CDKL5: variants seen among roughly 807,000 people sequenced by gnomAD.
CDKL5 encodes the protein cyclin-dependent kinase-like 5.
A neutral mutation model predicts 61.7 loss-of-function variants in CDKL5; 8 were observed. The observed-to-expected ratio is 0.13, with a 90% CI of 0.08 to 0.23. The LOEUF is 0.23. Ranked by LOEUF, CDKL5 falls within the 10% of genes least tolerant of loss-of-function variation. CDKL5 has a pLI of 1.00. For synonymous variants in CDKL5, 275 were observed against 272.3 expected (o/e 1.01, Z -0.10); for missense variants, 440 against 734.5 (o/e 0.60, Z 4.63).
intron 1 of CDKL5, among the ~76,000 whole-genome samples, chrX:18,446,189 C>CAAA (rs529883672): frequency 4.1e-4 from 20 of 48,197 alleles, no homozygotes; most frequent in African/African-American, 1.5e-3. Flanking sequence ...ACTAAAAATA[C>CAAA]AAAAAAAAAA....
intron 11 of CDKL5, among the ~76,000 whole-genome samples, chrX:18,601,638 G>A (rs1051164845): frequency 4.5e-5 from 5 of 112,315 alleles, no homozygotes; most frequent in Non-Finnish European, 7.5e-5. Context: ...CACTCAGAAT[G>A]GCAGTTTAGG....
intron 1 of CDKL5, among the ~76,000 whole-genome samples, chrX:18,447,323 A>C (rs1204493098): frequency 9.0e-6 from 1 of 111,190 alleles, no homozygotes; most frequent in African/African-American, 3.3e-5. Flanking sequence ...CTTATGCCTA[A>C]GATTCTCATC....
intron 1 of CDKL5, among the ~76,000 whole-genome samples, chrX:18,443,037 C>T (rs1569183729): frequency 8.9e-6 from 1 of 111,903 alleles, no homozygotes; most frequent in East Asian, 2.8e-4. Context: ...GTTAGTTTTG[C>T]CTTATTTAAG....
chrX:18,642,819 C>G (rs1406075393), downstream of CDKL5, among the ~76,000 whole-genome samples: 2 of 109,084 alleles, frequency 1.8e-5, no homozygotes, highest in African/African-American at 3.4e-5. Flanking sequence ...GCGGGCGGAT[C>G]GTTTGAGGTC....
rs1401277625 is a variant in CDKL5, at chrX:18,608,827, C to T, written c.1961C>T (p.Pro654Leu). 4 of 1,205,180 alleles carry T rather than the reference C, an allele frequency of 3.3e-6. No homozygotes were observed. Among genetic ancestry groups the T allele is most frequent in the Non-Finnish European group, 4.5e-6 (4 of 889,750 alleles). Residue 654 changes from proline (P) to leucine (L), a missense_variant, in exon 13 of 18, where the codon CCT (proline) becomes CTT (leucine). Physicochemically the swap from Pro to Leu is moderately conservative, Grantham distance 98. Coordinates refer to ENST00000623535, the MANE Select transcript of CDKL5 (RefSeq NM_001323289.2). Reference protein sequence around the residue: ...LLSPQPGEQLPPEMTVARSSV... With the variant: ...LLSPQPGEQLLPEMTVARSSV... ...TACTTCCAGCCTGGAGAACAGCTCC[C>T]TCCAGAGATGACTGTGGCAAGATCT...
intron 1 of CDKL5, among the ~76,000 whole-genome samples, chrX:18,479,359 G>A (rs1921457151): frequency 1.3e-5 from 1 of 78,237 alleles, no homozygotes; most frequent in South Asian, 8.1e-4. Flanking sequence ...TCACACTCTC[G>A]CCCAGGCTGG....
chrX:18,496,998 T>C (rs899681553), intron 1 of CDKL5, among the ~76,000 whole-genome samples: 2 of 109,026 alleles, frequency 1.8e-5, no homozygotes, highest in Non-Finnish European at 3.8e-5. Flanking sequence ...AGGATTTTTT[T>C]TTTTTTCTTT....
At chrX:18,469,308 C>T (rs112123030) in intron 1 of CDKL5, among the ~76,000 whole-genome samples, 2,762 of 90,325 alleles carry the variant, frequency 0.031, 53 homozygotes, top group Non-Finnish European at 0.047. Context: ...CACTGCACTC[C>T]AGCCTGGGCG....
At chrX:18,596,271 G>A (rs1386153823) in intron 10 of CDKL5, among the ~76,000 whole-genome samples, 3 of 110,560 alleles carry the variant, frequency 2.7e-5, no homozygotes, top group Non-Finnish European at 1.9e-5. Flanking sequence ...GAACTTTGCC[G>A]TGCTTTAAAC....
intron 3 of CDKL5, among the ~76,000 whole-genome samples, chrX:18,541,865 A>G (rs1048786368): frequency 9.1e-6 from 1 of 110,241 alleles, no homozygotes; most frequent in Non-Finnish European, 1.9e-5. Flanking sequence ...GAGAGTTCCT[A>G]TATTTTCTTA....
rs754436143 is a variant in CDKL5 at position 18,510,786 on chromosome X, C to T, written c.65-34C>T. The T allele has an allele frequency of 2.2e-5, 25 of 1,149,920 alleles. No homozygotes were observed. In the Admixed American group the frequency reaches 3.7e-4, roughly 17 times the overall value. The allele number at this position is 1,149,920 out of a possible 1,213,427, so 94.8% of individuals were successfully genotyped here. On this transcript the variant is annotated intron_variant, in intron 2 of 17. Coordinates refer to ENST00000623535, the MANE Select transcript of CDKL5 (RefSeq NM_001323289.2). Reference sequence around the variant, plus strand: ...ATAGCAGAGCTTTGTAGTTTGTATGCGTGCCCTTGATTGTTTACTTCTTTT... The same window carrying T: ...ATAGCAGAGCTTTGTAGTTTGTATGTGTGCCCTTGATTGTTTACTTCTTTT...
intron 1 of CDKL5, among the ~76,000 whole-genome samples, chrX:18,462,801 A>T (rs1294574313): frequency 1.8e-5 from 2 of 111,521 alleles, no homozygotes; most frequent in Non-Finnish European, 3.8e-5. Flanking sequence ...AGGTGGGCGG[A>T]TCACTTGAGG....
chrX:18,510,817 T>C lies in CDKL5; in HGVS notation c.65-3T>C, dbSNP rs1366239818. 8.4e-7 allele frequency: 1 copy of C among 1,191,562 alleles called. No individual in the cohort carries two copies. The highest frequency in any genetic ancestry group is 1.1e-6 in the Non-Finnish European group (1 of 877,521). On this transcript the variant is annotated splice_polypyrimidine_tract_variant and splice_region_variant and intron_variant, in intron 2 of 17. Coordinates refer to ENST00000623535, the MANE Select transcript of CDKL5 (RefSeq NM_001323289.2). ...CTTGATTGTTTACTTCTTTTTATTA[T>C]AGGAGCCTATGGAGTTGTACTTAAA...
intron 3 of CDKL5, chrX:18,535,657 T>C (rs926764150): frequency 2.0e-5 from 3 of 148,868 alleles, no homozygotes; most frequent in African/African-American, 9.4e-5. Context: ...TTAAGTGGAC[T>C]GCTTACTCTC....
intron 6 of CDKL5, 36 bp from the exon 7 acceptor site, chrX:18,581,855 A>G: frequency 2.1e-6 from 2 of 969,237 alleles, no homozygotes; most frequent in Non-Finnish European, 3.0e-6. Flanking sequence ...AACATAGAAC[A>G]TTTTTACTAA....
intron 1 of CDKL5, among the ~76,000 whole-genome samples, chrX:18,460,911 A>G (rs1421317373): frequency 8.9e-6 from 1 of 112,083 alleles, no homozygotes; most frequent in Non-Finnish European, 1.9e-5. Context: ...CCCAAATTTG[A>G]TATTCACAGT....
At chrX:18,606,189 C>T (rs768251412) in intron 12 of CDKL5, among the ~76,000 whole-genome samples, 28 of 108,114 alleles carry the variant, frequency 2.6e-4, no homozygotes, top group African/African-American at 9.2e-4. Context: ...CACACACACA[C>T]ACACACACAC....
intron 16 of CDKL5, chrX:18,623,833 CTT>C (rs375044523): frequency 6.0e-3 from 3,373 of 562,490 alleles, no homozygotes; most frequent in Middle Eastern, 7.2e-3. Flanking sequence ...AATAAGAGCA[CTT>C]TTTTTTTTTT....
At chrX:18,435,204 C>T (rs1299863267) in intron 1 of CDKL5, among the ~76,000 whole-genome samples, 1 of 111,307 alleles carries the variant, frequency 9.0e-6, no homozygotes, top group Non-Finnish European at 1.9e-5. Context: ...AATTTATCCA[C>T]ACCCTCAGAC....
Sources: gnomAD v4.1 joint callset for allele counts (sites outside exome capture counted in the v4.1 genomes callset) on GRCh38, gnomAD v4.1.1 for gene constraint, MANE v1.5 for transcripts, NCBI Gene and HGNC (gene_info 2026-07-23, HGNC 2026-07-21) for gene names.